RASGRP3: variants seen among roughly 807,000 people sequenced by gnomAD.
RASGRP3 encodes the protein ras guanyl-releasing protein 3.
A neutral mutation model predicts 82.7 loss-of-function variants in RASGRP3; 54 were observed. That is an observed-to-expected ratio of 0.65 (90% CI 0.52 to 0.82). The LOEUF (loss-of-function observed/expected upper bound fraction) is 0.82. RASGRP3 is among the 40% of genes least tolerant of loss of function. The probability of loss-of-function intolerance (pLI) is 0.00; values close to 1 mark genes in which losing one functional copy is unlikely to be tolerated. For synonymous variants in RASGRP3, 309 were observed against 300.5 expected (o/e 1.03, Z -0.29); for missense variants, 861 against 828.9 (o/e 1.04, Z -0.48).
chr2:33,543,372 G>C (rs937334790), intron 12 of RASGRP3, 140 bp from the exon 13 acceptor site: 160 of 578,542 alleles, frequency 2.8e-4, no homozygotes, highest in Non-Finnish European at 6.7e-5. Flanking sequence ...TATTATAAAG[G>C]CTTCTTGACT....
At chr2:33,539,251 C>T in intron 12 of RASGRP3, 41 bp downstream of exon 12, 1 of 1,410,398 alleles carries the variant, frequency 7.1e-7, no homozygotes, top group Non-Finnish European at 9.8e-7. Flanking sequence ...CACTAGAAGA[C>T]CCTTTCTCTT....
chr2:33,440,744 GATT>G (rs1176453161), intron 1 of RASGRP3, among the ~76,000 whole-genome samples: 1 of 152,068 alleles, frequency 6.6e-6, no homozygotes, highest in Non-Finnish European at 1.5e-5. Context: ...GTGAAATAAA[GATT>G]ATGATGAAGA....
chr2:33,522,519 T>C (rs13030503), intron 7 of RASGRP3, among the ~76,000 whole-genome samples: 53,648 of 152,114 alleles, frequency 0.35, 10,597 homozygotes, highest in Middle Eastern at 0.52. Context: ...ATAGGAATTG[T>C]AGACTTTAAG....
At chr2:33,526,948 C>T (rs539206546) in intron 9 of RASGRP3, among the ~76,000 whole-genome samples, 189 bp from the exon 10 acceptor site, 82 of 152,292 alleles carry the variant, frequency 5.4e-4, no homozygotes, top group African/African-American at 1.9e-3. Context: ...GAACAGGCTG[C>T]TCAATGCATA....
chr2:33,489,291 A>G (rs1437978304), intron 1 of RASGRP3, among the ~76,000 whole-genome samples: 1 of 152,204 alleles, frequency 6.6e-6, no homozygotes, highest in East Asian at 1.9e-4. Flanking sequence ...GATGAGTTAC[A>G]TGCAACATTT....
At chr2:33,548,774 T>A (rs1364927385) in intron 13 of RASGRP3, among the ~76,000 whole-genome samples, 2 of 151,616 alleles carry the variant, frequency 1.3e-5, no homozygotes, top group African/African-American at 2.4e-5. Context: ...TGGTGTGATC[T>A]CGGCTCACTG....
intron 1 of RASGRP3, among the ~76,000 whole-genome samples, chr2:33,447,489 G>T (rs2150880020): frequency 6.6e-6 from 1 of 151,592 alleles, no homozygotes; most frequent in South Asian, 2.1e-4. Flanking sequence ...AGGCTGGAGT[G>T]CAGTGGTCCG....
intron 3 of RASGRP3, 97 bp downstream of exon 3, chr2:33,515,303 CT>C: frequency 3.0e-6 from 4 of 1,336,994 alleles, no homozygotes; most frequent in South Asian, 2.4e-5. Flanking sequence ...AGTTCAGTCT[CT>C]GTACCTTGGT....
chr2:33,459,926 G>C (rs1009010485), intron 2 of RASGRP3, among the ~76,000 whole-genome samples: 1 of 152,164 alleles, frequency 6.6e-6, no homozygotes, highest in African/African-American at 2.4e-5. Context: ...TATAGGACAG[G>C]ATTGAGGCCT....
intron 13 of RASGRP3, among the ~76,000 whole-genome samples, chr2:33,548,471 T>C (rs537715461): frequency 6.7e-6 from 1 of 150,208 alleles, no homozygotes; most frequent in Non-Finnish European, 1.5e-5. Context: ...AGCGTATTTG[T>C]GAACGGAGGA....
In RASGRP3 at chr2:33,449,151, A is replaced by G. The variant is rs1483253137; in HGVS notation, c.-261+1208A>G. On this transcript the variant is annotated intron_variant, in intron 2 of 18. Coordinates refer to the RASGRP3 transcript ENST00000402538. The stretch of plus-strand genomic sequence containing the variant: ...GCAAGTGTGATTGAGACCTTAAACA[A>G]TGTCTTCATCATTTCTACCTCTCCC... 5.9e-5 allele frequency among the ~76,000 whole-genome samples: 9 copies of G among 152,226 alleles called. No individual in the cohort carries two copies. The East Asian group carries it at 1.7e-3, about 29-fold the overall frequency.
intron 2 of RASGRP3, among the ~76,000 whole-genome samples, chr2:33,454,870 T>C (rs994238639): frequency 6.6e-6 from 1 of 152,208 alleles, no homozygotes; most frequent in African/African-American, 2.4e-5. Flanking sequence ...TGGTTCTATG[T>C]CCTAAAAATT....
intron 11 of RASGRP3, among the ~76,000 whole-genome samples, chr2:33,537,328 C>CGCA (rs61435746): frequency 1.5e-5 from 1 of 66,378 alleles, no homozygotes; most frequent in Non-Finnish European, 2.7e-5. Context: ...ACACCGCCCC[C>CGCA]CCCACACACA....
At chr2:33,457,141 G>C (rs562350736) in intron 2 of RASGRP3, among the ~76,000 whole-genome samples, 2 of 152,052 alleles carry the variant, frequency 1.3e-5, no homozygotes, top group South Asian at 4.2e-4. Flanking sequence ...AAAGTACTGG[G>C]GTTACAGGTG....
intron 13 of RASGRP3, among the ~76,000 whole-genome samples, chr2:33,545,196 CT>C (rs1290463252): frequency 6.6e-6 from 1 of 152,166 alleles, no homozygotes; most frequent in Non-Finnish European, 1.5e-5. Flanking sequence ...CTTATCTCTA[CT>C]TATTGATATC....
chr2:33,489,202 A>G (rs942189046), intron 1 of RASGRP3, among the ~76,000 whole-genome samples: 9 of 152,232 alleles, frequency 5.9e-5, no homozygotes, highest in Non-Finnish European at 1.3e-4. Flanking sequence ...AAATATGTCA[A>G]TAGTACCAAG....
intron 15 of RASGRP3, among the ~76,000 whole-genome samples, chr2:33,557,585 C>A (rs887285241): frequency 2.0e-5 from 3 of 151,966 alleles, no homozygotes; most frequent in Non-Finnish European, 4.4e-5. Context: ...TGGCGGGCAC[C>A]TGTAGTCCCA....
intron 15 of RASGRP3, among the ~76,000 whole-genome samples, chr2:33,556,154 G>C (rs1429795748): frequency 4.0e-5 from 6 of 150,814 alleles, no homozygotes; most frequent in South Asian, 4.2e-4. Flanking sequence ...GTACATATAT[G>C]ATCAAGTATA....
intron 2 of RASGRP3, among the ~76,000 whole-genome samples, chr2:33,512,792 G>T (rs1671057970): frequency 1.3e-5 from 2 of 152,160 alleles, no homozygotes; most frequent in Admixed American, 1.3e-4. Context: ...TATCTTTTAT[G>T]TGAGAAGCAA....
Sources: gnomAD v4.1 joint callset for allele counts (sites outside exome capture counted in the v4.1 genomes callset) on GRCh38, gnomAD v4.1.1 for gene constraint, MANE v1.5 for transcripts, NCBI Gene and HGNC (gene_info 2026-07-23, HGNC 2026-07-21) for gene names.